Variants in GPC5 observed in about 807,000 individuals in gnomAD.
The protein encoded by GPC5 is glypican-5.
In GPC5, 47 loss-of-function variants were observed where a neutral mutation model predicts 53.9. The observed-to-expected ratio is 0.87, with a 90% CI of 0.69 to 1.11. The LOEUF (loss-of-function observed/expected upper bound fraction) is 1.11. Ranked by LOEUF, GPC5 falls within the 50% of genes most tolerant of loss-of-function variation. The pLI, the probability that GPC5 is intolerant of heterozygous loss-of-function variation, is 0.00. For synonymous variants in GPC5, 286 were observed against 263.3 expected, an observed-to-expected ratio of 1.09 and a Z score of -0.84; for missense variants, 748 against 713.1, an observed-to-expected ratio of 1.05 and a Z score of -0.56.
chr13:91,630,734 G>A (rs2034135523), intron 2 of GPC5, among the ~76,000 whole-genome samples: 1 of 152,144 alleles, frequency 6.6e-6, no homozygotes, highest in Non-Finnish European at 1.5e-5. Flanking sequence ...TACCCATGCT[G>A]AGTTCCTGCT....
intron 6 of GPC5, among the ~76,000 whole-genome samples, chr13:91,922,574 A>G (rs2039726342): frequency 6.6e-6 from 1 of 152,156 alleles, no homozygotes; most frequent in Non-Finnish European, 1.5e-5. Context: ...TGTAACTCTT[A>G]GTCATTCGTT....
intron 7 of GPC5, among the ~76,000 whole-genome samples, chr13:92,183,606 T>A (rs2042162996): frequency 6.6e-6 from 1 of 152,148 alleles, no homozygotes; most frequent in South Asian, 2.1e-4. Context: ...TTAAAAACCC[T>A]TGGAAAAACT....
At chr13:91,860,437 A>G (rs922413280) in intron 5 of GPC5, among the ~76,000 whole-genome samples, 3 of 142,114 alleles carry the variant, frequency 2.1e-5, no homozygotes, top group African/African-American at 8.1e-5. Context: ...TTCATCATGT[A>G]TATATATATA....
intron 2 of GPC5, among the ~76,000 whole-genome samples, chr13:91,596,418 A>T (rs547565083): frequency 6.6e-6 from 1 of 152,306 alleles, no homozygotes; most frequent in East Asian, 1.9e-4. Context: ...ATCTATTATC[A>T]GTTTTAATGT....
At chr13:91,719,236 G>A (rs1341759366) in intron 3 of GPC5, among the ~76,000 whole-genome samples, 2 of 152,222 alleles carry the variant, frequency 1.3e-5, no homozygotes, top group Non-Finnish European at 2.9e-5. Flanking sequence ...TGGTGAGTCA[G>A]CATCCTGCTG....
At position 91,992,545 on chromosome 13, in the gene GPC5, C is replaced by A. The variant is rs944051159; in HGVS notation, c.1401+84488C>A. On this transcript the variant is annotated intron_variant, in intron 6 of 7. Coordinates refer to ENST00000377067, the MANE Select transcript of GPC5 (RefSeq NM_004466.6). ...CGATCTTGGCTCACTGCAACCTTTG[C>A]CTTCCAGGTTCAAGCGATTCTCCTG... Among the ~76,000 whole-genome samples the A allele has an allele frequency of 3.9e-4, 59 of 151,534 alleles. 1 individual carries two copies. Among genetic ancestry groups the A allele is most frequent in the African/African-American group, 1.4e-3 (58 of 41,298 alleles).
chr13:91,920,645 CA>C (rs2039702041), intron 6 of GPC5, among the ~76,000 whole-genome samples: 1 of 152,050 alleles, frequency 6.6e-6, no homozygotes, highest in Non-Finnish European at 1.5e-5. Context: ...TGGTGATGAA[CA>C]AAAGTTACTA....
At chr13:92,643,056 C>A (rs566392113) in intron 7 of GPC5, among the ~76,000 whole-genome samples, 1 of 152,132 alleles carries the variant, frequency 6.6e-6, no homozygotes, top group Non-Finnish European at 1.5e-5. Context: ...CCTTTGCCCA[C>A]TTTTTGATGG....
intron 5 of GPC5, among the ~76,000 whole-genome samples, chr13:91,780,351 A>G (rs933256563): frequency 6.6e-6 from 1 of 152,012 alleles, no homozygotes; most frequent in Admixed American, 6.6e-5. Context: ...TTTAGCACCT[A>G]CCTTACAAGA....
At chr13:91,898,104 G>T (rs1329292696) in intron 5 of GPC5, among the ~76,000 whole-genome samples, 1 of 152,078 alleles carries the variant, frequency 6.6e-6, no homozygotes, top group Non-Finnish European at 1.5e-5. Flanking sequence ...ATACCATCAT[G>T]CAGGCAATTT....
intron 7 of GPC5, among the ~76,000 whole-genome samples, chr13:92,846,390 T>C (rs1281234033): frequency 6.6e-6 from 1 of 152,178 alleles, no homozygotes; most frequent in Non-Finnish European, 1.5e-5. Context: ...AGAAAGACAC[T>C]GTACCAAGAT....
chr13:91,495,515 C>G (rs1219662135), intron 2 of GPC5, among the ~76,000 whole-genome samples: 1 of 152,258 alleles, frequency 6.6e-6, no homozygotes, highest in Non-Finnish European at 1.5e-5. Flanking sequence ...CTTCCTCACT[C>G]TGTCCCAGCA....
chr13:92,752,652 C>G (rs1874621218), intron 7 of GPC5, among the ~76,000 whole-genome samples: 1 of 152,152 alleles, frequency 6.6e-6, no homozygotes, highest in African/African-American at 2.4e-5. Context: ...CGAGCTGAAG[C>G]AGGGTGAGGC....
chr13:92,085,055 T>C (rs1372330760), intron 6 of GPC5, among the ~76,000 whole-genome samples: 1 of 152,190 alleles, frequency 6.6e-6, no homozygotes, highest in African/African-American at 2.4e-5. Flanking sequence ...AGGCCTCTTT[T>C]ATAAAGGCAC....
chr13:91,535,881 T>C (rs577020295), intron 2 of GPC5, among the ~76,000 whole-genome samples: 2 of 152,338 alleles, frequency 1.3e-5, no homozygotes, highest in African/African-American at 2.4e-5. Flanking sequence ...TGGTGAGGAC[T>C]AATATGTATA....
intron 3 of GPC5, among the ~76,000 whole-genome samples, chr13:91,716,979 C>G (rs1236193675): frequency 6.6e-6 from 1 of 152,130 alleles, no homozygotes; most frequent in African/African-American, 2.4e-5. Flanking sequence ...TAAACACGAC[C>G]AAACAAAATA....
intron 7 of GPC5, among the ~76,000 whole-genome samples, chr13:92,692,035 C>A (rs1887416261): frequency 6.6e-6 from 1 of 152,106 alleles, no homozygotes; most frequent in South Asian, 2.1e-4. Context: ...CCTTCCCTCC[C>A]CCATCTAATA....
intron 1 of GPC5, among the ~76,000 whole-genome samples, chr13:91,414,052 C>T (rs550667065): frequency 6.6e-6 from 1 of 152,120 alleles, no homozygotes; most frequent in Non-Finnish European, 1.5e-5. Flanking sequence ...GAAGCCATTT[C>T]CCCCACTGCC....
At chr13:92,449,143 T>A (rs1877954679) in intron 7 of GPC5, 1 of 152,122 alleles carries the variant, frequency 6.6e-6, no homozygotes, top group African/African-American at 2.4e-5. Context: ...CTTTCAAAAA[T>A]GTGATATTCA....
Sources: allele counts gnomAD v4.1 joint callset (sites outside exome capture counted in the v4.1 genomes callset), GRCh38; gene constraint gnomAD v4.1.1; transcripts MANE v1.5; gene names NCBI Gene and HGNC (gene_info 2026-07-23, HGNC 2026-07-21).